The following ARHGEF7 variants were observed in gnomAD, a reference collection of about 807,000 sequenced individuals.
ARHGEF7 encodes PAK-interacting exchange factor beta.
In ARHGEF7, 33 loss-of-function variants were observed where a neutral mutation model predicts 109.8. The ratio of observed to expected loss-of-function variants is 0.30; its 90% CI spans 0.23 to 0.40. The LOEUF (loss-of-function observed/expected upper bound fraction) is 0.40, where lower values mean the gene tolerates loss of function less well. Among genes scored for constraint, ARHGEF7 ranks in the 10% least tolerant of loss-of-function variants. The probability of loss-of-function intolerance (pLI) is 1.00; values close to 1 mark genes in which losing one functional copy is unlikely to be tolerated. For missense variants in ARHGEF7, 938 were observed against 1,098.5 expected, an observed-to-expected ratio of 0.85 and a Z score of 2.07; for synonymous variants, 458 against 424.6, an observed-to-expected ratio of 1.08 and a Z score of -0.97.
At chr13:111,147,690 C>CTTTTTTTTTT (rs11463808) in intron 1 of ARHGEF7, among the ~76,000 whole-genome samples, 1 of 82,348 alleles carries the variant, frequency 1.2e-5, no homozygotes, top group African/African-American at 5.1e-5. Context: ...CAGAGGTCAC[C>CTTTTTTTTTT]TTTTTTTTTT....
chr13:111,276,086 A>G (rs1318572191), intron 12 of ARHGEF7: 1 of 198,972 alleles, frequency 5.0e-6, no homozygotes, highest in East Asian at 1.0e-4. Context: ...TTCCTGTGAA[A>G]GTATGCTAGC....
intron 1 of ARHGEF7, among the ~76,000 whole-genome samples, chr13:111,117,286 A>G (rs558517744): frequency 2.0e-5 from 3 of 152,400 alleles, no homozygotes; most frequent in African/African-American, 4.8e-5. Context: ...TTTAAATTAT[A>G]GAAAGATTTT....
chr13:111,200,686 A>G (rs1483234572), intron 2 of ARHGEF7, among the ~76,000 whole-genome samples: 1 of 152,230 alleles, frequency 6.6e-6, no homozygotes, highest in Non-Finnish European at 1.5e-5. Context: ...TCTGTCATAC[A>G]TGACAAGGTT....
chr13:111,135,139 G>A (rs1206759806), intron 1 of ARHGEF7, among the ~76,000 whole-genome samples: 1 of 152,176 alleles, frequency 6.6e-6, no homozygotes, highest in East Asian at 1.9e-4. Flanking sequence ...TGAGGGCTCT[G>A]TTCTGTTCCA....
chr13:111,165,130 C>T (rs1274316525), intron 2 of ARHGEF7, among the ~76,000 whole-genome samples: 6 of 152,148 alleles, frequency 3.9e-5, no homozygotes. Flanking sequence ...ACTTTCTACT[C>T]ACATTACGTC....
rs373960559 is a variant in ARHGEF7, at chr13:111,264,012, C to T, written c.951-3536C>T. On this transcript the variant is annotated intron_variant, in intron 8 of 21. Transcript: ENST00000646102. ...GAAATTAATTTGAGTCAGTGACTAC[C>T]CTGCAAATGGACAGAACTGTGGCTA... 2.6e-5 allele frequency among the ~76,000 whole-genome samples: 4 copies of T among 152,050 alleles called. No individual in the cohort carries two copies. In the East Asian group the frequency reaches 7.7e-4, roughly 29 times the overall value.
At chr13:111,152,882 C>G (rs1455663419) in intron 1 of ARHGEF7, among the ~76,000 whole-genome samples, 1 of 152,122 alleles carries the variant, frequency 6.6e-6, no homozygotes, top group East Asian at 1.9e-4. Flanking sequence ...AGTTTCTTGC[C>G]GTGGGTAAGG....
In ARHGEF7 at chr13:111,251,975, C is replaced by G. The variant is rs533102199; in HGVS notation, c.950+7681C>G. ...GCATTCCTTTATCCCCAAAAGGGAT[C>G]TCTTTGTCTGTGGTTGCCACTGTAG... On this transcript the variant is annotated intron_variant, in intron 8 of 21. Transcript: ENST00000646102. Among the ~76,000 whole-genome samples, 257 of 152,326 alleles carry G rather than the reference C, an allele frequency of 1.7e-3. 1 individual carries two copies. The highest frequency in any genetic ancestry group is 4.0e-3 in the African/African-American group (168 of 41,566).
At chr13:111,176,180 TC>T (rs2078143247) in intron 2 of ARHGEF7, among the ~76,000 whole-genome samples, 1 of 152,164 alleles carries the variant, frequency 6.6e-6, no homozygotes, top group South Asian at 2.1e-4. Flanking sequence ...TGAGCCCCCT[TC>T]TGTAGGTTGA....
intron 1 of ARHGEF7, among the ~76,000 whole-genome samples, chr13:111,149,731 T>G (rs950457056): frequency 1.3e-5 from 2 of 152,222 alleles, no homozygotes; most frequent in African/African-American, 4.8e-5. Context: ...AGTTTAATTC[T>G]CAGTCATAAG....
At chr13:111,176,534 G>A (rs1056868419) in intron 2 of ARHGEF7, among the ~76,000 whole-genome samples, 4 of 152,140 alleles carry the variant, frequency 2.6e-5, no homozygotes, top group Non-Finnish European at 5.9e-5. Context: ...TGCCCTGTGG[G>A]GTGACCCACG....
chr13:111,144,808 T>C (rs2075508166), intron 1 of ARHGEF7: 1 of 152,190 alleles, frequency 6.6e-6, no homozygotes, highest in Non-Finnish European at 1.5e-5. Flanking sequence ...GGAAGAATAA[T>C]AGATTGGGAG....
At chr13:111,248,064 G>C (rs1595152920) in intron 8 of ARHGEF7, among the ~76,000 whole-genome samples, 1 of 152,074 alleles carries the variant, frequency 6.6e-6, no homozygotes, top group African/African-American at 2.4e-5. Flanking sequence ...GAACACTTTA[G>C]TTTTTTGTAA....
chr13:111,207,219 A>C (rs909887540), intron 3 of ARHGEF7, among the ~76,000 whole-genome samples: 1 of 152,138 alleles, frequency 6.6e-6, no homozygotes, highest in African/African-American at 2.4e-5. Context: ...TCCACGCTGG[A>C]ACACAGTGGT....
At chr13:111,149,813 A>G (rs1210868649) in intron 1 of ARHGEF7, among the ~76,000 whole-genome samples, 1 of 152,238 alleles carries the variant, frequency 6.6e-6, no homozygotes. Context: ...CATGCTTTAT[A>G]CTGTATAGCA....
intron 2 of ARHGEF7, among the ~76,000 whole-genome samples, chr13:111,170,107 CT>C (rs1482323159): frequency 6.6e-6 from 1 of 152,150 alleles, no homozygotes; most frequent in African/African-American, 2.4e-5. Context: ...AGCCACTCTT[CT>C]TTTTTTGTAG....
intron 1 of ARHGEF7, among the ~76,000 whole-genome samples, chr13:111,116,783 A>G (rs1013995965): frequency 3.9e-5 from 6 of 152,244 alleles, no homozygotes; most frequent in African/African-American, 1.4e-4. Flanking sequence ...ATTCACATGT[A>G]CATATTCTCT....
chr13:111,171,135 C>CA (rs2077562893), intron 2 of ARHGEF7, among the ~76,000 whole-genome samples: 1 of 152,196 alleles, frequency 6.6e-6, no homozygotes, highest in Admixed American at 6.5e-5. Context: ...TTAAGCTCAC[C>CA]AATGCACTCT....
At chr13:111,294,753 A>G in intron 19 of ARHGEF7, 1 of 985,542 alleles carries the variant, frequency 1.0e-6, no homozygotes, top group Non-Finnish European at 1.2e-6. Context: ...TTCTGTTCAT[A>G]CAATTCTGTA....
Sources: allele counts gnomAD v4.1 joint callset (sites outside exome capture counted in the v4.1 genomes callset), GRCh38; gene constraint gnomAD v4.1.1; transcripts MANE v1.5; gene names NCBI Gene and HGNC (gene_info 2026-07-23, HGNC 2026-07-21).